SYCP1: variants seen among roughly 807,000 people sequenced by gnomAD.
SYCP1 encodes cancer/testis antigen 8.
A neutral mutation model predicts 153.1 loss-of-function variants in SYCP1; 64 were observed. That is an observed-to-expected ratio of 0.42 (90% confidence interval 0.34 to 0.51). SYCP1 has a LOEUF of 0.51. Ranked by LOEUF, SYCP1 falls within the 20% of genes least tolerant of loss-of-function variation. SYCP1 has a pLI of 0.06. For synonymous variants in SYCP1, 384 were observed against 341.8 expected, an observed-to-expected ratio of 1.12 and a Z score of -1.36; for missense variants, 997 against 1,049.0, an observed-to-expected ratio of 0.95 and a Z score of 0.68.
At position 114,919,926 on chromosome 1, in the gene SYCP1, A is replaced by AT. The variant is rs374417833; in HGVS notation, c.1719-3519dup. ...AGTTCGTCTTCCTAAAGTTTTGTCAATTTTATCTTTTCAAAAAACCAACTT... is the reference window on the plus strand; with the variant it reads ...AGTTCGTCTTCCTAAAGTTTTGTCAATTTTTATCTTTTCAAAAAACCAACTT... On this transcript the variant is annotated intron_variant, in intron 20 of 31. Coordinates refer to ENST00000369522, the MANE Select transcript of SYCP1 (RefSeq NM_003176.4). 1.3e-3 allele frequency among the ~76,000 whole-genome samples: 203 copies of AT among 151,130 alleles called. 1 individual carries two copies. Among genetic ancestry groups the AT allele is most frequent in the African/African-American group, 4.7e-3 (195 of 41,242 alleles).
At chr1:114,861,795 T>A (rs1211552104) in intron 8 of SYCP1, among the ~76,000 whole-genome samples, 1 of 151,144 alleles carries the variant, frequency 6.6e-6, no homozygotes, top group Non-Finnish European at 1.5e-5. Flanking sequence ...TAGGTTTTTT[T>A]ATTCTTTTTT....
At chr1:114,880,989 G>A (rs1251077220) in intron 12 of SYCP1, among the ~76,000 whole-genome samples, 18 of 150,954 alleles carry the variant, frequency 1.2e-4, no homozygotes, top group Admixed American at 1.2e-3. Context: ...AATTTAAGTA[G>A]ATAACAATTA....
chr1:114,958,824 G>A (rs1250632077), intron 27 of SYCP1, among the ~76,000 whole-genome samples: 2 of 151,276 alleles, frequency 1.3e-5, no homozygotes, highest in African/African-American at 4.9e-5. Flanking sequence ...CAGCTACTCG[G>A]GAGGCTGAGG....
chr1:114,866,543 G>A (rs1664760048), intron 8 of SYCP1, among the ~76,000 whole-genome samples: 2 of 151,856 alleles, frequency 1.3e-5, no homozygotes, highest in South Asian at 4.2e-4. Flanking sequence ...TTTTCTTATT[G>A]TTGAGTTTTA....
At chr1:114,971,313 G>C (rs1268925903) in intron 27 of SYCP1, among the ~76,000 whole-genome samples, 1 of 152,108 alleles carries the variant, frequency 6.6e-6, no homozygotes, top group Admixed American at 6.5e-5. Context: ...TGGTTCTCAG[G>C]CCAATGGAGT....
At chr1:114,994,469 A>G (rs1674138155) in intron 30 of SYCP1, among the ~76,000 whole-genome samples, 1 of 151,310 alleles carries the variant, frequency 6.6e-6, no homozygotes, top group African/African-American at 2.4e-5. Flanking sequence ...ATAAAAATCT[A>G]GGTCCTTTCT....
intron 18 of SYCP1, 31 bp downstream of exon 18, chr1:114,911,613 A>T: frequency 8.3e-7 from 1 of 1,206,486 alleles, no homozygotes; most frequent in South Asian, 2.1e-5. Flanking sequence ...AAAATAGTTT[A>T]TGTACTCAAT....
In SYCP1 at chr1:114,855,444, T is replaced by C. The variant is rs748874295; in HGVS notation, c.-21T>C. 2.5e-6 allele frequency: 4 copies of C among 1,601,052 alleles called. No individual in the cohort carries two copies. The highest frequency in any genetic ancestry group is 3.4e-6 in the Non-Finnish European group (4 of 1,172,062). On this transcript the variant is annotated 5_prime_UTR_variant, in exon 2 of 32. Coordinates refer to ENST00000369522, the MANE Select transcript of SYCP1 (RefSeq NM_003176.4). ...TCCCGCCCCCCCGGGGCAGTAGATATTTACAACCGTAACAGAGAAAATGGA... is the reference window on the plus strand; with the variant it reads ...TCCCGCCCCCCCGGGGCAGTAGATACTTACAACCGTAACAGAGAAAATGGA...
At chr1:114,969,585 TG>T (rs1245700431) in intron 27 of SYCP1, among the ~76,000 whole-genome samples, 1 of 152,162 alleles carries the variant, frequency 6.6e-6, no homozygotes, top group Non-Finnish European at 1.5e-5. Flanking sequence ...TTGGGCTCCA[TG>T]GGGATGGGAT....
intron 27 of SYCP1, among the ~76,000 whole-genome samples, chr1:114,971,812 G>T (rs1672504125): frequency 6.6e-6 from 1 of 152,026 alleles, no homozygotes; most frequent in South Asian, 2.1e-4. Flanking sequence ...GTTGAATTTG[G>T]TTTGCTCGTA....
Position 114,994,747 on chromosome 1 carries a change from A to G in SYCP1, c.2753A>G (p.Asn918Ser). The G allele has an allele frequency of 1.3e-6, 2 of 1,593,194 alleles. No individual in the cohort carries two copies. The highest frequency in any genetic ancestry group is 1.7e-6 in the Non-Finnish European group (2 of 1,173,352). ...ETLKTLYRNN[N>S]PPASHLCVKT... ...TTGAAAACACTGTATAGGAACAATA[A>G]TCCACCAGCTTCTCATCTTTGTGTC... Residue 918 changes from asparagine (N) to serine (S), a missense_variant, in exon 31 of 32, where the codon AAT becomes AGT. This residue lies in a region of SYCP1 where 712 missense variants were observed against 682.9 expected (regional missense o/e 1.04). Coordinates refer to ENST00000369522, the MANE Select transcript of SYCP1 (RefSeq NM_003176.4).
chr1:114,977,512 A>G, intron 27 of SYCP1, 45 bp from the exon 28 acceptor site: 1 of 1,140,990 alleles, frequency 8.8e-7, no homozygotes, highest in South Asian at 1.6e-5. Context: ...ATTTGTGATC[A>G]TTGTGATGTT....
chr1:114,924,524 G>T (rs1483900776), intron 21 of SYCP1, among the ~76,000 whole-genome samples: 2 of 152,166 alleles, frequency 1.3e-5, no homozygotes, highest in East Asian at 3.8e-4. Context: ...CTTCCTGAAA[G>T]AAGTCACATT....
chr1:114,884,128 G>A (rs1666140731), intron 12 of SYCP1, among the ~76,000 whole-genome samples: 1 of 152,258 alleles, frequency 6.6e-6, no homozygotes, highest in South Asian at 2.1e-4. Context: ...TGTTTTGCAT[G>A]GTCTTCATGA....
chr1:114,991,964 C>A (rs1673956488), intron 30 of SYCP1, among the ~76,000 whole-genome samples: 1 of 151,712 alleles, frequency 6.6e-6, no homozygotes. Flanking sequence ...TTGTAGGGTA[C>A]AATATCAACA....
rs529219579 is a variant in SYCP1, at chr1:114,886,269, G to C, written c.1150G>C (p.Val384Leu). ...TGTGGTTACTGAATTTGAAACTACT[G>C]TCTGCAGCTTGGAAGAATTATTGAG... ...SFVVTEFETT[V>L]CSLEELLRTE... The change falls in exon 14 of 32, where the codon GTC becomes CTC. Residue 384 changes from valine (V) to leucine (L), a missense_variant. Val to Leu is a conservative substitution (Grantham distance 32). Around this residue, in one of 2 missense-constraint regions of SYCP1, gnomAD observed 712 missense variants for 682.9 expected, o/e 1.04. Coordinates refer to ENST00000369522, the MANE Select transcript of SYCP1 (RefSeq NM_003176.4). 1.7e-5 allele frequency: 28 copies of C among 1,602,226 alleles called. No homozygotes were observed. The South Asian group carries it at 2.8e-4, about 16-fold the overall frequency.
intron 27 of SYCP1, among the ~76,000 whole-genome samples, chr1:114,958,107 A>G (rs548256445): frequency 1.3e-5 from 2 of 152,370 alleles, no homozygotes; most frequent in Admixed American, 6.5e-5. Flanking sequence ...TTAATCAGCC[A>G]TAAAAAAGAA....
chr1:114,893,317 C>A (rs1345156270), intron 15 of SYCP1, among the ~76,000 whole-genome samples: 1 of 151,882 alleles, frequency 6.6e-6, no homozygotes, highest in East Asian at 1.9e-4. Flanking sequence ...GTATCTGTAT[C>A]TCTATCTCAT....
intron 27 of SYCP1, among the ~76,000 whole-genome samples, chr1:114,968,082 C>T (rs1672251198): frequency 6.6e-6 from 1 of 152,120 alleles, no homozygotes; most frequent in South Asian, 2.1e-4. Context: ...TGTGGGTAAC[C>T]CGACCTTTCT....
Sources: allele counts gnomAD v4.1 joint callset (sites outside exome capture counted in the v4.1 genomes callset), GRCh38; gene constraint gnomAD v4.1.1; regional missense constraint gnomAD v4.1.1; transcripts MANE v1.5; gene names NCBI Gene and HGNC (gene_info 2026-07-23, HGNC 2026-07-21).